EFCAB6: variants seen among roughly 807,000 people sequenced by gnomAD.
EFCAB6 encodes EF-hand calcium-binding domain-containing protein 6.
EFCAB6 carries 156 observed loss-of-function variants against 169.8 expected under a neutral mutation model. That is an observed-to-expected ratio of 0.92 (90% confidence interval 0.81 to 1.05). The LOEUF (loss-of-function observed/expected upper bound fraction) is 1.05, where lower values mean the gene tolerates loss of function less well. Among genes scored for constraint, EFCAB6 ranks in the 50% least tolerant of loss-of-function variants. EFCAB6 has a pLI of 0.00. For synonymous variants in EFCAB6, 698 were observed against 676.4 expected (o/e 1.03, Z -0.50); for missense variants, 1,800 against 1,829.1 (o/e 0.98, Z 0.29).
Position 43,795,817 on chromosome 22 carries a change from C to T in EFCAB6, c.-8+13178G>A, listed in dbSNP as rs1417038934. 1.8e-5 allele frequency among the ~76,000 whole-genome samples: 2 copies of T among 113,950 alleles called. No individual in the cohort carries two copies. The highest frequency in any genetic ancestry group is 6.4e-5 in the African/African-American group (2 of 31,412). 74.8% of individuals were successfully genotyped at this position (113,950 alleles called of 152,430 possible). On this transcript the variant is annotated intron_variant, in intron 2 of 31. Transcript: ENST00000262726. The surrounding 1 kb of genome is among the most constrained non-coding windows in gnomAD (Gnocchi z 4.2). ...CTGCCATTCAGACAGCACTCGCCTC[C>T]CAACACACACACACACACACACACT... is the stretch of plus-strand genomic sequence containing the variant.
At position 43,555,621 on chromosome 22, in the gene EFCAB6, G is replaced by C. The variant is rs993735650; in HGVS notation, c.3421-525C>G. ...AATGTTCCTTGAAGCCTGAAACTTT[G>C]TGAGACCCACAGGGACTTAACTCTG... On this transcript the variant is annotated intron_variant, in intron 26 of 31. Transcript: ENST00000262726. Among the ~76,000 whole-genome samples the C allele has an allele frequency of 2.6e-5, 4 of 152,340 alleles. No homozygotes were observed. In the Middle Eastern group the frequency reaches 0.014, roughly 518 times the overall value.
rs755572107 is a variant in EFCAB6 at position 43,773,059 on chromosome 22, G to C, written c.184C>G (p.Arg62Gly). 2 of 1,614,156 alleles carry C rather than the reference G, an allele frequency of 1.2e-6. No individual in the cohort carries two copies. The highest frequency in any genetic ancestry group is 8.5e-7 in the Non-Finnish European group (1 of 1,180,028). ...NPTLSSLDVK[R>G]ILFQKITDRG... is the part of the protein sequence containing the mutation. ...TCGGTAATTTTTTGAAATAAAATCC[G>C]TTTAACATCTAAGGAGGACAGTGTT... is the stretch of plus-strand genomic sequence containing the variant. The change falls in exon 4 of 32, where the codon CGG becomes GGG. Residue 62 changes from arginine (R) to glycine (G), a missense_variant. By Grantham distance (125) the Arg-to-Gly change is moderately radical (BLOSUM62 -2). Transcript: ENST00000262726.
In EFCAB6 at chr22:43,784,736, G is replaced by T. The variant is rs578009132; in HGVS notation, c.-7-2411C>A. Among the ~76,000 whole-genome samples, 109 of 129,670 alleles carry T rather than the reference G, an allele frequency of 8.4e-4. 1 individual carries two copies. Among genetic ancestry groups the T allele is most frequent in the Non-Finnish European group, 1.4e-3 (88 of 62,622 alleles). The allele number at this position is 129,670 out of a possible 152,430, so 85.1% of individuals were successfully genotyped here. On this transcript the variant is annotated intron_variant, in intron 2 of 31. Transcript: ENST00000262726. Reference sequence around the variant, plus strand: ...ACACACACATATATATATATGCCAGGCATGGTGGCATGCACCTGTAGTCCT... The same window carrying T: ...ACACACACATATATATATATGCCAGTCATGGTGGCATGCACCTGTAGTCCT...
intron 18 of EFCAB6, among the ~76,000 whole-genome samples, chr22:43,632,623 C>CT (rs1641602980): frequency 6.6e-6 from 1 of 152,096 alleles, no homozygotes; most frequent in African/African-American, 2.4e-5. Context: ...TCTACATCAA[C>CT]ACTTTATCTC....
chr22:43,647,392 G>C (rs916820269), intron 17 of EFCAB6, among the ~76,000 whole-genome samples: 9 of 152,156 alleles, frequency 5.9e-5, no homozygotes, highest in Admixed American at 4.6e-4. Context: ...GACAAAGAGC[G>C]GATAAATTAT....
chr22:43,537,841 G>T lies in EFCAB6; in HGVS notation c.3880-296C>A, dbSNP rs1288608951. 6.6e-6 allele frequency among the ~76,000 whole-genome samples: 1 copy of T among 152,142 alleles called. No homozygotes were observed. The highest frequency in any genetic ancestry group is 1.5e-5 in the Non-Finnish European group (1 of 68,026). On this transcript the variant is annotated intron_variant, in intron 28 of 31. Transcript: ENST00000262726. This position sits in a 1 kb window ranked among gnomAD's most constrained non-coding sequence, Gnocchi z 4.3. ...AAACATATTTCTGCTGTGTGTGTGT[G>T]TGTGTGAGAAGTGACAACGACAAAT...
intron 18 of EFCAB6, among the ~76,000 whole-genome samples, chr22:43,633,206 T>C (rs2055108764): frequency 6.6e-6 from 1 of 152,178 alleles, no homozygotes; most frequent in South Asian, 2.1e-4. Flanking sequence ...CTACTGCCTA[T>C]GCCCTCTCGC....
intron 17 of EFCAB6, among the ~76,000 whole-genome samples, chr22:43,654,953 T>TC (rs56720007): frequency 0.14 from 21,107 of 152,238 alleles, 1,562 homozygotes; most frequent in African/African-American, 0.18. Context: ...TAATAATGCC[T>TC]GTGAGATTTA....
chr22:43,633,060 C>G (rs1214292044), intron 18 of EFCAB6, among the ~76,000 whole-genome samples: 1 of 152,202 alleles, frequency 6.6e-6, no homozygotes, highest in Non-Finnish European at 1.5e-5. Context: ...TTTGTTTACA[C>G]ACAAGAAAAC....
chr22:43,722,522 T>G (rs999790665), intron 8 of EFCAB6, among the ~76,000 whole-genome samples: 3 of 116,956 alleles, frequency 2.6e-5, no homozygotes, highest in Non-Finnish European at 1.7e-5. Flanking sequence ...AGAGTGAGAC[T>G]GCATCTCAAA....
intron 1 of EFCAB6, among the ~76,000 whole-genome samples, chr22:43,811,327 G>T (rs2063114535): frequency 7.5e-6 from 1 of 133,940 alleles, no homozygotes; most frequent in Non-Finnish European, 1.6e-5. Flanking sequence ...GAGGGGAAGG[G>T]GAGGGGAGGA....
chr22:43,775,379 G>T (rs2061606362), intron 3 of EFCAB6, among the ~76,000 whole-genome samples: 1 of 152,174 alleles, frequency 6.6e-6, no homozygotes, highest in Non-Finnish European at 1.5e-5. Flanking sequence ...ACATCTATCA[G>T]TATGATACAT....
chr22:43,545,804 C>T (rs2048024377), intron 27 of EFCAB6, among the ~76,000 whole-genome samples: 1 of 152,202 alleles, frequency 6.6e-6, no homozygotes, highest in Non-Finnish European at 1.5e-5. Context: ...GAAGCAGCGT[C>T]GGGCTGGCAG....
chr22:43,792,897 C>T (rs571431488), intron 2 of EFCAB6, among the ~76,000 whole-genome samples: 8 of 152,342 alleles, frequency 5.3e-5, no homozygotes, highest in South Asian at 4.1e-4. Context: ...GGTTGTGTGA[C>T]GGGGACACTC....
At chr22:43,645,902 A>G (rs1251216526) in intron 17 of EFCAB6, among the ~76,000 whole-genome samples, 1 of 152,194 alleles carries the variant, frequency 6.6e-6, no homozygotes, top group Non-Finnish European at 1.5e-5. Flanking sequence ...AGGTGACATG[A>G]CCACCTTTCA....
intron 13 of EFCAB6, among the ~76,000 whole-genome samples, chr22:43,673,796 A>T (rs1200634079): frequency 6.6e-6 from 1 of 152,068 alleles, no homozygotes; most frequent in East Asian, 1.9e-4. Context: ...AAATAAAATA[A>T]AATTAGATAG....
chr22:43,665,683 C>A (rs1369369727), intron 17 of EFCAB6, among the ~76,000 whole-genome samples: 1 of 152,220 alleles, frequency 6.6e-6, no homozygotes, highest in African/African-American at 2.4e-5. Context: ...ACCACTCACT[C>A]CATTGAAACT....
intron 17 of EFCAB6, among the ~76,000 whole-genome samples, chr22:43,654,236 A>C (rs2056622121): frequency 6.6e-6 from 1 of 152,358 alleles, no homozygotes; most frequent in African/African-American, 2.4e-5. Flanking sequence ...AAGGATTCCA[A>C]ATAACACCTG....
chr22:43,803,805 T>C (rs2062817712), intron 2 of EFCAB6, among the ~76,000 whole-genome samples: 1 of 152,212 alleles, frequency 6.6e-6, no homozygotes, highest in Admixed American at 6.5e-5. Context: ...GCCATTAAAC[T>C]ACAGACTAGA....
Sources: allele counts gnomAD v4.1 joint callset (sites outside exome capture counted in the v4.1 genomes callset), GRCh38; gene constraint gnomAD v4.1.1; non-coding constraint Gnocchi (gnomAD v3.1); transcripts MANE v1.5; gene names NCBI Gene and HGNC (gene_info 2026-07-23, HGNC 2026-07-21).